ZBTB25: variants seen among roughly 807,000 people sequenced by gnomAD.
ZBTB25 encodes zinc finger and BTB domain-containing protein 25.
In ZBTB25, 20 loss-of-function variants were observed where a neutral mutation model predicts 34.2. The observed-to-expected ratio is 0.58, with a 90% CI of 0.41 to 0.85. The LOEUF is 0.85. Ranked by LOEUF, ZBTB25 falls within the 40% of genes least tolerant of loss-of-function variation. The probability of loss-of-function intolerance (pLI) is 0.00; values close to 1 mark genes in which losing one functional copy is unlikely to be tolerated. For missense variants in ZBTB25, 437 were observed against 521.8 expected, an observed-to-expected ratio of 0.84 and a Z score of 1.58; for synonymous variants, 175 against 186.4, an observed-to-expected ratio of 0.94 and a Z score of 0.50.
At chr14:64,494,864 A>G (rs140598549) in intron 1 of ZBTB25, among the ~76,000 whole-genome samples, 2 of 152,238 alleles carry the variant, frequency 1.3e-5, no homozygotes, top group Non-Finnish European at 2.9e-5. Flanking sequence ...GATAATTTCT[A>G]TTAATCTATC....
In ZBTB25 at chr14:64,481,333, T is replaced by C. The variant is rs943659890; in HGVS notation, c.*5590A>G. On this transcript the variant is annotated 3_prime_UTR_variant, in exon 3 of 3. Coordinates refer to ENST00000608382, the MANE Select transcript of ZBTB25 (RefSeq NM_006977.5). ...CTGGGATTACAGGCATGAGGCACCATGCCCGGCAGATACACAACTTTCTAA... is the reference window on the plus strand; with the variant it reads ...CTGGGATTACAGGCATGAGGCACCACGCCCGGCAGATACACAACTTTCTAA... 3 of 152,286 alleles carry C rather than the reference T, an allele frequency of 2.0e-5. No homozygotes were observed. Among genetic ancestry groups the C allele is most frequent in the African/African-American group, 7.2e-5 (3 of 41,466 alleles). The allele number at this position is 152,286 out of a possible 1,614,324, so 9.4% of individuals were successfully genotyped here. A position where few individuals can be genotyped will look rare whatever the true frequency, so the allele number is the denominator to read the frequency against.
Position 64,469,397 on chromosome 14 carries a change from A to G in ZBTB25, c.174-19759T>C, listed in dbSNP as rs528781824. 62 of 1,613,900 alleles carry G rather than the reference A, an allele frequency of 3.8e-5. No individual in the cohort carries two copies. The highest frequency in any genetic ancestry group is 8.3e-5 in the Admixed American group (5 of 59,968). ...ATCCAAATCAGAAGAAAGCAAAAGAATGGAGCCAATTGCTATTATTATTAC... is the reference window on the plus strand; with the variant it reads ...ATCCAAATCAGAAGAAAGCAAAAGAGTGGAGCCAATTGCTATTATTATTAC... On this transcript the variant is annotated intron_variant, in intron 2 of 2. Coordinates refer to the ZBTB25 transcript ENST00000555220.
At chr14:64,463,117 A>G (rs954246992) in intron 2 of ZBTB25, 2 of 152,082 alleles carry the variant, frequency 1.3e-5, no homozygotes, top group African/African-American at 4.8e-5. Flanking sequence ...AAAAGCTACT[A>G]ATGGGGTAGT....
chr14:64,450,463 G>A (rs747225893), intron 2 of ZBTB25, among the ~76,000 whole-genome samples: 4 of 152,062 alleles, frequency 2.6e-5, no homozygotes, highest in South Asian at 2.1e-4. Context: ...CCATCACTAA[G>A]CAAATTAAAT....
At position 64,487,032 on chromosome 14, in the gene ZBTB25, G is replaced by T. The variant is rs549777846; in HGVS notation, c.1199C>A (p.Ser400Tyr). The T allele has an allele frequency of 6.2e-7, 1 of 1,614,164 alleles. No homozygotes were observed. Among genetic ancestry groups the T allele is most frequent in the Admixed American group, 1.7e-5 (1 of 60,030 alleles). The change falls in exon 3 of 3, where the codon TCT becomes TAT. Residue 400 changes from serine (S) to tyrosine (Y), a missense_variant. Coordinates refer to ENST00000608382, the MANE Select transcript of ZBTB25 (RefSeq NM_006977.5). Reference protein sequence around the residue: ...QRFQPYCDSWSDVSLKSSRLS... With the variant: ...QRFQPYCDSWYDVSLKSSRLS... ...GCGAGAACTTTTCAGGGAGACATCA[G>T]ACCAGCTGTCACAGTATGGCTGAAA...
At chr14:64,489,947 C>A (rs940290605) in intron 2 of ZBTB25, among the ~76,000 whole-genome samples, 3 of 151,262 alleles carry the variant, frequency 2.0e-5, no homozygotes, top group Non-Finnish European at 4.4e-5. Context: ...GTGGCTCATG[C>A]CTGTAATCCC....
chr14:64,499,715 T>C (rs995110082), intron 1 of ZBTB25, among the ~76,000 whole-genome samples: 11 of 152,246 alleles, frequency 7.2e-5, no homozygotes, highest in Non-Finnish European at 1.5e-4. Context: ...CTTACTCCAT[T>C]ACACCTAGAT....
At chr14:64,466,013 A>G (rs2078609508) in intron 2 of ZBTB25, among the ~76,000 whole-genome samples, 1 of 152,136 alleles carries the variant, frequency 6.6e-6, no homozygotes, top group Non-Finnish European at 1.5e-5. Context: ...GTCTCCTGCC[A>G]TAAGGGGCGT....
At chr14:64,497,054 A>G (rs1476821286) in intron 1 of ZBTB25, among the ~76,000 whole-genome samples, 1 of 152,102 alleles carries the variant, frequency 6.6e-6, no homozygotes, top group East Asian at 1.9e-4. Flanking sequence ...TTTCTTCAAA[A>G]CCCCATCTAG....
rs373420644 is a variant in ZBTB25 at position 64,470,610 on chromosome 14, A to AAAAG, written c.173+19750_173+19751insCTTT. 5.0e-4 allele frequency: 76 copies of AAAAG among 151,360 alleles called. 9 individuals carry two copies. The highest frequency in any genetic ancestry group is 4.3e-4 in the South Asian group (2 of 4,602). 9.4% of individuals were successfully genotyped at this position (151,360 alleles called of 1,614,324 possible). A position where few individuals can be genotyped will look rare whatever the true frequency, so the allele number is the denominator to read the frequency against. On this transcript the variant is annotated intron_variant, in intron 2 of 2. Transcript: ENST00000555220. ...TTCTCAAAAAAAAAAAAAAAAAAAA[A>AAAAG]GAGAACCATTCACAAATCCTTCAAT...
At chr14:64,495,650 T>C (rs2079245880) in intron 1 of ZBTB25, among the ~76,000 whole-genome samples, 1 of 152,228 alleles carries the variant, frequency 6.6e-6, no homozygotes, top group Non-Finnish European at 1.5e-5. Flanking sequence ...TCAAATGCCA[T>C]CTATTAATTT....
rs143791209 is a variant in ZBTB25, at chr14:64,487,593, A to G, written c.638T>C (p.Val213Ala). The change falls in exon 3 of 3, where the codon GTG (valine) becomes GCG (alanine). Residue 213 changes from valine (V) to alanine (A), a missense_variant. By Grantham distance (64) the Val-to-Ala change is moderately conservative. Transcript: ENST00000608382. The part of the protein sequence containing the change: ...IKQERCDPES[V>A]ISQSHPSPSS... ...GGGTGAGGGGTGGCTCTGGGAGATC[A>G]CAGATTCTGGGTCACATCTCTCCTG... is the stretch of plus-strand genomic sequence containing the variant. 6.2e-7 allele frequency: 1 copy of G among 1,606,680 alleles called. No individual in the cohort carries two copies. Among genetic ancestry groups the G allele is most frequent in the Non-Finnish European group, 8.5e-7 (1 of 1,175,400 alleles).
chr14:64,492,601 CAA>C (rs11419156), intron 1 of ZBTB25, among the ~76,000 whole-genome samples: 1 of 141,248 alleles, frequency 7.1e-6, no homozygotes, highest in Non-Finnish European at 1.5e-5. Flanking sequence ...TAAGTTGTCT[CAA>C]AAAAAAAAAA....
intron 2 of ZBTB25, among the ~76,000 whole-genome samples, chr14:64,455,617 C>G (rs1484118400): frequency 2.6e-5 from 4 of 152,180 alleles, no homozygotes; most frequent in African/African-American, 4.8e-5. Context: ...CCATGCAATA[C>G]AGGACTGAAA....
chr14:64,457,454 T>C (rs2078493119), intron 2 of ZBTB25, among the ~76,000 whole-genome samples: 1 of 147,232 alleles, frequency 6.8e-6, no homozygotes, highest in African/African-American at 2.5e-5. Context: ...GTTTCTTTTC[T>C]TTTCCTTTTT....
At chr14:64,466,703 G>C (rs1303155837) in intron 2 of ZBTB25, among the ~76,000 whole-genome samples, 1 of 152,172 alleles carries the variant, frequency 6.6e-6, no homozygotes, top group African/African-American at 2.4e-5. Context: ...CAGGGTTCCA[G>C]TTCCTTCTAC....
chr14:64,499,180 G>C (rs1177280741), intron 1 of ZBTB25, among the ~76,000 whole-genome samples: 1 of 152,192 alleles, frequency 6.6e-6, no homozygotes, highest in African/African-American at 2.4e-5. Flanking sequence ...TTCCGTAAGA[G>C]TGTTCAAAGT....
chr14:64,477,721 AAAT>A (rs1274162157), downstream of ZBTB25, among the ~76,000 whole-genome samples: 1 of 152,214 alleles, frequency 6.6e-6, no homozygotes, highest in Non-Finnish European at 1.5e-5. Context: ...GTTCAAAAAA[AAAT>A]TTTTTTTTAA....
Position 64,482,810 on chromosome 14 carries a change from C to T in ZBTB25, c.*4113G>A, listed in dbSNP as rs906372724. The T allele has an allele frequency of 2.0e-5, 3 of 152,118 alleles. No homozygotes were observed. The highest frequency in any genetic ancestry group is 4.4e-5 in the Non-Finnish European group (3 of 68,024). The allele number at this position is 152,118 out of a possible 1,614,324, so 9.4% of individuals were successfully genotyped here. On this transcript the variant is annotated 3_prime_UTR_variant, in exon 3 of 3. Transcript: ENST00000608382. Reference sequence around the variant, plus strand: ...ATAGGTCTAGCTACAGAATAAATGTCGTTTATATGGTTGATTTTAATCAAT... The same window carrying T: ...ATAGGTCTAGCTACAGAATAAATGTTGTTTATATGGTTGATTTTAATCAAT...
Sources: allele counts gnomAD v4.1 joint callset (sites outside exome capture counted in the v4.1 genomes callset), GRCh38; gene constraint gnomAD v4.1.1; transcripts MANE v1.5; gene names NCBI Gene and HGNC (gene_info 2026-07-23, HGNC 2026-07-21).